The following SRGAP1 variants were observed in gnomAD, a reference collection of about 807,000 sequenced individuals.
SRGAP1 encodes the protein SLIT-ROBO Rho GTPase activating protein 1, also known as SLIT-ROBO Rho GTPase-activating protein 1.
In SRGAP1, 43 loss-of-function variants were observed where a neutral mutation model predicts 121.9. The ratio of observed to expected loss-of-function variants is 0.35; its 90% CI spans 0.28 to 0.46. The LOEUF (loss-of-function observed/expected upper bound fraction) is 0.46. SRGAP1 is among the 20% of genes least tolerant of loss of function. The pLI, the probability that SRGAP1 is intolerant of heterozygous loss-of-function variation, is 1.00. For synonymous variants in SRGAP1, 447 were observed against 485.4 expected (o/e 0.92, Z 1.04); for missense variants, 1,102 against 1,350.9 (o/e 0.82, Z 2.89).
intron 1 of SRGAP1, among the ~76,000 whole-genome samples, chr12:63,934,694 G>A (rs2031601803): frequency 1.3e-5 from 2 of 152,036 alleles, no homozygotes; most frequent in Non-Finnish European, 2.9e-5. Context: ...TAGACTGATG[G>A]ATGCCCTGGA....
At chr12:63,885,299 C>G (rs765747538) in intron 1 of SRGAP1, among the ~76,000 whole-genome samples, 1 of 152,044 alleles carries the variant, frequency 6.6e-6, no homozygotes, top group Non-Finnish European at 1.5e-5. Flanking sequence ...TAGGGAAACA[C>G]GCTTACTGGT....
chr12:64,119,775 T>TTTC (rs2036576299), intron 18 of SRGAP1, among the ~76,000 whole-genome samples: 2 of 149,058 alleles, frequency 1.3e-5, no homozygotes, highest in African/African-American at 4.9e-5. Context: ...TGTTTCTTTT[T>TTTC]TTTTTTTTTT....
intron 1 of SRGAP1, among the ~76,000 whole-genome samples, chr12:63,877,725 G>A (rs890018721): frequency 6.6e-6 from 1 of 152,192 alleles, no homozygotes; most frequent in African/African-American, 2.4e-5. Flanking sequence ...ACACTAGAGA[G>A]GTTTCAGGGT....
In SRGAP1 at chr12:64,153,306, AAAGT is replaced by A. The variant is rs1283130573; in HGVS notation, c.*10638_*10641del. On this transcript the variant is annotated 3_prime_UTR_variant, in exon 22 of 22. Transcript: ENST00000355086. ...GGACAGAGATCAGATTTTGGAGGCC[AAAGT>A]AAGGTACTTAAAATTAGCCGGGCTT... is the stretch of plus-strand genomic sequence containing the variant. 2.9e-4 allele frequency: 44 copies of A among 152,102 alleles called. No individual in the cohort carries two copies. Among genetic ancestry groups the A allele is most frequent in the African/African-American group, 9.2e-4 (38 of 41,412 alleles). The allele number at this position is 152,102 out of a possible 1,614,324, so 9.4% of individuals were successfully genotyped here.
Position 64,126,317 on chromosome 12 carries a change from T to C in SRGAP1, c.2405+160T>C, listed in dbSNP as rs73321350. Among the ~76,000 whole-genome samples the C allele has an allele frequency of 2.2e-3, 334 of 152,356 alleles. 2 individuals carry two copies. Among genetic ancestry groups the C allele is most frequent in the African/African-American group, 7.5e-3 (312 of 41,586 alleles). On this transcript the variant is annotated intron_variant, in intron 19 of 21. Transcript: ENST00000355086. ...CCTTACCTTGCCAGTGGCTCTTTGC[T>C]AACAGTAAGTCAGGGCCCAGGAGGT... is the stretch of plus-strand genomic sequence containing the variant.
At chr12:64,043,642 T>C in intron 6 of SRGAP1, 67 bp downstream of exon 6, 3 of 1,280,760 alleles carry the variant, frequency 2.3e-6, no homozygotes, top group Non-Finnish European at 3.3e-6. Flanking sequence ...ATTTCGTTGA[T>C]TGGAAAATAC....
chr12:63,903,597 C>T (rs1290029881), intron 1 of SRGAP1, among the ~76,000 whole-genome samples: 1 of 148,994 alleles, frequency 6.7e-6, no homozygotes, highest in East Asian at 2.0e-4. Flanking sequence ...ACTCTGTTGC[C>T]CAGGCTGGAG....
At chr12:63,916,027 CTTTTCTT>C (rs2030756026) in intron 1 of SRGAP1, among the ~76,000 whole-genome samples, 1 of 86,330 alleles carries the variant, frequency 1.2e-5, no homozygotes, top group African/African-American at 3.9e-5. Flanking sequence ...CTTTTCTTTT[CTTTTCTT>C]TTTTTTTTTT....
chr12:63,973,348 T>C (rs1036804991), intron 1 of SRGAP1, among the ~76,000 whole-genome samples: 3 of 152,200 alleles, frequency 2.0e-5, no homozygotes, highest in African/African-American at 4.8e-5. Context: ...TGCCGAACAT[T>C]GTAAGTTTGC....
In SRGAP1 at chr12:64,055,658, A is replaced by C. The variant is rs1011683245; in HGVS notation, c.802-7259A>C. Among the ~76,000 whole-genome samples, 5 of 152,154 alleles carry C rather than the reference A, an allele frequency of 3.3e-5. No individual in the cohort carries two copies. The East Asian group carries it at 9.6e-4, about 29-fold the overall frequency. On this transcript the variant is annotated intron_variant, in intron 6 of 21. Coordinates refer to ENST00000355086, the MANE Select transcript of SRGAP1 (RefSeq NM_020762.4). The stretch of plus-strand genomic sequence containing the variant: ...ATGGTACTGGTACCAAAACAGAGAT[A>C]TAGATCAATGGAACAGAGTAGTTGG...
chr12:64,091,246 A>G (rs772658301), intron 11 of SRGAP1, 30 bp from the exon 12 acceptor site: 1 of 1,466,204 alleles, frequency 6.8e-7, no homozygotes, highest in Non-Finnish European at 9.3e-7. Context: ...GATTTCTGCC[A>G]TGCTCAGTAA....
intron 1 of SRGAP1, among the ~76,000 whole-genome samples, chr12:63,964,913 C>T (rs112314467): frequency 2.0e-5 from 3 of 152,278 alleles, no homozygotes; most frequent in African/African-American, 7.2e-5. Flanking sequence ...ATTGATCTCG[C>T]CTAATTGTTT....
chr12:63,851,682 A>T (rs1266998712), intron 1 of SRGAP1, among the ~76,000 whole-genome samples: 1 of 149,194 alleles, frequency 6.7e-6, no homozygotes, highest in Non-Finnish European at 1.5e-5. Context: ...CTCCCACATC[A>T]GCCTCCCAAG....
chr12:63,941,190 AC>A (rs940252083), intron 1 of SRGAP1, among the ~76,000 whole-genome samples: 2 of 151,426 alleles, frequency 1.3e-5, no homozygotes, highest in African/African-American at 4.9e-5. Flanking sequence ...AGCTTTCTTT[AC>A]CCCAAAAACC....
chr12:64,044,410 G>T (rs1223373665), intron 6 of SRGAP1, among the ~76,000 whole-genome samples: 1 of 152,062 alleles, frequency 6.6e-6, no homozygotes, highest in Non-Finnish European at 1.5e-5. Flanking sequence ...AGTCATAGAG[G>T]TTCAGAGGGT....
At chr12:63,941,396 A>G (rs756563387) in intron 1 of SRGAP1, among the ~76,000 whole-genome samples, 4 of 152,166 alleles carry the variant, frequency 2.6e-5, no homozygotes, top group Non-Finnish European at 2.9e-5. Context: ...AAAAATACCA[A>G]TCAGGTCCAT....
At chr12:63,987,548 C>G (rs2033449901) in intron 2 of SRGAP1, among the ~76,000 whole-genome samples, 2 of 151,960 alleles carry the variant, frequency 1.3e-5, no homozygotes, top group African/African-American at 4.8e-5. Context: ...CATAGTGAAA[C>G]CTGTCTCTAC....
At chr12:63,982,758 A>G (rs1385462558) in intron 1 of SRGAP1, 1 of 151,870 alleles carries the variant, frequency 6.6e-6, no homozygotes. Context: ...TTTGGAGCTT[A>G]GCCTTACTTA....
chr12:63,921,503 G>A (rs957166908), intron 1 of SRGAP1, among the ~76,000 whole-genome samples: 4 of 152,076 alleles, frequency 2.6e-5, no homozygotes, highest in Admixed American at 6.5e-5. Context: ...CTTCCTGGGC[G>A]TTTGCACAGG....
Sources: gnomAD v4.1 joint callset for allele counts (sites outside exome capture counted in the v4.1 genomes callset) on GRCh38, gnomAD v4.1.1 for gene constraint, MANE v1.5 for transcripts, NCBI Gene and HGNC (gene_info 2026-07-23, HGNC 2026-07-21) for gene names.